The following APBB1IP variants were observed in gnomAD, a reference collection of about 807,000 sequenced individuals.
APBB1IP encodes the protein amyloid beta precursor protein binding family B member 1 interacting protein.
A neutral mutation model predicts 64.9 loss-of-function variants in APBB1IP; 27 were observed. The observed-to-expected ratio is 0.42, with a 90% CI of 0.31 to 0.57. The LOEUF (loss-of-function observed/expected upper bound fraction) is 0.57, where lower values mean the gene tolerates loss of function less well. Ranked by LOEUF, APBB1IP falls within the 20% of genes least tolerant of loss-of-function variation. The pLI is 0.20. For synonymous variants in APBB1IP, 392 were observed against 331.0 expected (o/e 1.18, Z -2.00); for missense variants, 812 against 845.5 (o/e 0.96, Z 0.49).
Position 26,513,519 on chromosome 10 carries a change from A to T in APBB1IP, c.692-20A>T, listed in dbSNP as rs1430645651. 2 of 1,611,406 alleles carry T rather than the reference A, an allele frequency of 1.2e-6. No homozygotes were observed. The highest frequency in any genetic ancestry group is 2.7e-5 in the African/African-American group (2 of 74,776). Reference sequence around the variant, plus strand: ...CCTGATGTCTTGGGTCTGAAAGAATACCTTTTCTTATTTCATCAGAGAGGT... The same window carrying T: ...CCTGATGTCTTGGGTCTGAAAGAATTCCTTTTCTTATTTCATCAGAGAGGT... On this transcript the variant is annotated intron_variant, in intron 7 of 14. Coordinates refer to ENST00000376236, the MANE Select transcript of APBB1IP (RefSeq NM_019043.4).
At chr10:26,523,848 C>T (rs900855319) in intron 8 of APBB1IP, among the ~76,000 whole-genome samples, 1 of 151,862 alleles carries the variant, frequency 6.6e-6, no homozygotes. Context: ...AAAGAAAGAC[C>T]CTGGCCTTGA....
At chr10:26,490,656 A>G (rs1028276232) in intron 2 of APBB1IP, among the ~76,000 whole-genome samples, 1 of 152,222 alleles carries the variant, frequency 6.6e-6, no homozygotes, top group African/African-American at 2.4e-5. Flanking sequence ...GAGTATCTTT[A>G]TCTTTTAGCA....
intron 2 of APBB1IP, among the ~76,000 whole-genome samples, chr10:26,469,274 T>G (rs1347376525): frequency 2.0e-5 from 3 of 147,608 alleles, no homozygotes; most frequent in Non-Finnish European, 4.5e-5. Flanking sequence ...TTTTTTTTTT[T>G]TTTGAGACAG....
intron 11 of APBB1IP, among the ~76,000 whole-genome samples, chr10:26,545,822 C>T (rs1479490041): frequency 1.9e-4 from 28 of 150,452 alleles, no homozygotes; most frequent in East Asian, 1.9e-4. Context: ...TGGTGGCACG[C>T]GCCTGTAATC....
chr10:26,527,945 GC>G (rs1836499069), intron 8 of APBB1IP, among the ~76,000 whole-genome samples: 1 of 152,080 alleles, frequency 6.6e-6, no homozygotes, highest in Admixed American at 6.5e-5. Context: ...AACAGCCTTG[GC>G]CTCTCAAAAT....
chr10:26,530,065 C>T lies in APBB1IP; in HGVS notation c.814-3374C>T, dbSNP rs1276330839. ...TTGAAATCACTCTTGTATGAATGGG[C>T]GAACTCATATTGGGTCACATCTTTT... On this transcript the variant is annotated intron_variant, in intron 8 of 14. Coordinates refer to ENST00000376236, the MANE Select transcript of APBB1IP (RefSeq NM_019043.4). Among the ~76,000 whole-genome samples the T allele has an allele frequency of 1.4e-4, 21 of 152,160 alleles. 2 individuals carry two copies. In the South Asian group the frequency reaches 4.4e-3, roughly 32 times the overall value.
At chr10:26,490,389 C>G (rs1414498048) in intron 2 of APBB1IP, among the ~76,000 whole-genome samples, 1 of 152,110 alleles carries the variant, frequency 6.6e-6, no homozygotes, top group East Asian at 1.9e-4. Context: ...TTTTGGGAAG[C>G]AGAGGCGGGC....
chr10:26,549,133 A>G (rs995735174), intron 11 of APBB1IP, among the ~76,000 whole-genome samples: 1 of 152,126 alleles, frequency 6.6e-6, no homozygotes, highest in African/African-American at 2.4e-5. Flanking sequence ...ACATTTATTG[A>G]TTTGTATATG....
chr10:26,499,859 A>G (rs1489563481), intron 4 of APBB1IP, among the ~76,000 whole-genome samples: 1 of 152,032 alleles, frequency 6.6e-6, no homozygotes, highest in Non-Finnish European at 1.5e-5. Context: ...CTACCATTTA[A>G]TCCCATAATT....
Position 26,501,040 on chromosome 10 carries a change from T to G in APBB1IP, c.382T>G (p.Leu128Val). 6.2e-7 allele frequency: 1 copy of G among 1,614,184 alleles called. No individual in the cohort carries two copies. Among genetic ancestry groups the G allele is most frequent in the Non-Finnish European group, 8.5e-7 (1 of 1,180,028 alleles). ...ATGISQYEDDLPPPPADPVLD... is the reference protein window; with the variant it reads ...ATGISQYEDDVPPPPADPVLD... ...TGGTATCAGCCAATATGAGGATGAC[T>G]TACCACCTCCACCAGCCGATCCTGT... Residue 128 changes from leucine (L) to valine (V), a missense_variant, in exon 5 of 15, where the codon TTA becomes GTA. Leu to Val is a conservative substitution (Grantham distance 32). Coordinates refer to ENST00000376236, the MANE Select transcript of APBB1IP (RefSeq NM_019043.4).
chr10:26,491,759 G>GA (rs1554775101), intron 2 of APBB1IP, among the ~76,000 whole-genome samples: 2 of 116,582 alleles, frequency 1.7e-5, no homozygotes, highest in African/African-American at 3.3e-5. Flanking sequence ...TTTGTGTAAG[G>GA]TTTTTTTTTT....
chr10:26,565,035 A>C (rs1229729711), intron 14 of APBB1IP, among the ~76,000 whole-genome samples: 1 of 152,132 alleles, frequency 6.6e-6, no homozygotes, highest in Admixed American at 6.5e-5. Context: ...CCCCAAAATC[A>C]GGCAGAAAGG....
At chr10:26,508,395 C>CAAA (rs35547259) in intron 6 of APBB1IP, among the ~76,000 whole-genome samples, 1 of 136,824 alleles carries the variant, frequency 7.3e-6, no homozygotes, top group Non-Finnish European at 1.6e-5. Context: ...AGTATAGAAG[C>CAAA]AAAAAAAAAC....
At chr10:26,512,944 A>G (rs1836279082) in intron 7 of APBB1IP, among the ~76,000 whole-genome samples, 1 of 152,170 alleles carries the variant, frequency 6.6e-6, no homozygotes, top group East Asian at 1.9e-4. Flanking sequence ...GCCTTTCTTT[A>G]TGTTTTAATT....
At chr10:26,467,906 T>G (rs1835667334) in intron 2 of APBB1IP, among the ~76,000 whole-genome samples, 1 of 152,194 alleles carries the variant, frequency 6.6e-6, no homozygotes, top group Non-Finnish European at 1.5e-5. Context: ...ATGAGATTTA[T>G]GTACTAACTA....
intron 3 of APBB1IP, among the ~76,000 whole-genome samples, chr10:26,494,232 A>C (rs998340956): frequency 6.6e-6 from 1 of 152,144 alleles, no homozygotes; most frequent in Non-Finnish European, 1.5e-5. Flanking sequence ...GATCAGATTG[A>C]CTCAGAGGTC....
intron 10 of APBB1IP, among the ~76,000 whole-genome samples, chr10:26,539,802 A>C (rs1351378215): frequency 6.6e-6 from 1 of 152,212 alleles, no homozygotes; most frequent in Non-Finnish European, 1.5e-5. Flanking sequence ...AAAGCTTTTA[A>C]AGGGAAAATT....
At position 26,495,799 on chromosome 10, in the gene APBB1IP, C is replaced by T. The variant is rs142881879; in HGVS notation, c.73-505C>T. ...TGTAGGCTAAGGAAAAATTTTACTA[C>T]GACAGACTGCATCCTCAAACAGCTT... On this transcript the variant is annotated intron_variant, in intron 3 of 14. Coordinates refer to ENST00000376236, the MANE Select transcript of APBB1IP (RefSeq NM_019043.4). Among the ~76,000 whole-genome samples the T allele has an allele frequency of 3.2e-4, 48 of 150,120 alleles. No homozygotes were observed. The East Asian group carries it at 7.2e-3, about 23-fold the overall frequency.
At chr10:26,486,160 G>T (rs1173726313) in intron 2 of APBB1IP, among the ~76,000 whole-genome samples, 1 of 152,144 alleles carries the variant, frequency 6.6e-6, no homozygotes, top group Non-Finnish European at 1.5e-5. Context: ...TGAAAGACAC[G>T]CTGAGTGCCT....
Sources: allele counts gnomAD v4.1 joint callset (sites outside exome capture counted in the v4.1 genomes callset), GRCh38; gene constraint gnomAD v4.1.1; transcripts MANE v1.5; gene names NCBI Gene and HGNC (gene_info 2026-07-23, HGNC 2026-07-21).